The following SYN2 variants were observed in gnomAD, a reference collection of about 807,000 sequenced individuals.
SYN2 encodes synapsin-2.
Under a neutral mutation model 50.9 loss-of-function variants are expected in SYN2, and 19 were observed. The observed-to-expected ratio is 0.37, with a 90% CI of 0.26 to 0.55. The LOEUF (loss-of-function observed/expected upper bound fraction) is 0.55, where lower values mean the gene tolerates loss of function less well. Among genes scored for constraint, SYN2 ranks in the 20% least tolerant of loss-of-function variants. The pLI is 0.81. For synonymous variants in SYN2, 255 were observed against 224.9 expected, an observed-to-expected ratio of 1.13 and a Z score of -1.20; for missense variants, 587 against 576.4, an observed-to-expected ratio of 1.02 and a Z score of -0.19.
Position 12,167,279 on chromosome 3 carries a change from G to C in SYN2, c.1026G>C (p.Ala342=), listed in dbSNP as rs570312197. 1 of 1,612,794 alleles carries C rather than the reference G, an allele frequency of 6.2e-7. No individual in the cohort carries two copies. Among genetic ancestry groups the C allele is most frequent in the Non-Finnish European group, 8.5e-7 (1 of 1,179,594 alleles). ...ACTGGAAGACGAACACTGGCTCTGC[G>C]ATGCTGGAGCAGATTGCCATGTCAG... The part of the protein sequence containing the change: ...SGNWKTNTGS[A]MLEQIAMSDR... Residue 342 remains alanine (A), a synonymous_variant, in exon 8 of 13, where the codon GCG becomes GCC. Coordinates refer to ENST00000621198, the MANE Select transcript of SYN2 (RefSeq NM_133625.6).
intron 4 of SYN2, among the ~76,000 whole-genome samples, chr3:12,146,092 C>T (rs908737894): frequency 2.0e-5 from 3 of 152,332 alleles, no homozygotes; most frequent in Admixed American, 6.5e-5. Context: ...ACCTTTGCTG[C>T]GGAGTGGACC....
chr3:12,180,644 C>T (rs1698201169), intron 10 of SYN2, among the ~76,000 whole-genome samples: 1 of 152,206 alleles, frequency 6.6e-6, no homozygotes, highest in Non-Finnish European at 1.5e-5. Flanking sequence ...CCTGAGAAGT[C>T]TTCCATACAC....
intron 1 of SYN2, among the ~76,000 whole-genome samples, chr3:12,106,237 A>G (rs369620667): frequency 1.3e-5 from 2 of 152,170 alleles, no homozygotes; most frequent in South Asian, 2.1e-4. Flanking sequence ...ATGGTACATC[A>G]AATCCTTCTC....
chr3:12,169,572 G>A (rs949769972), intron 9 of SYN2, among the ~76,000 whole-genome samples, 185 bp from the exon 10 acceptor site: 2 of 152,134 alleles, frequency 1.3e-5, no homozygotes, highest in Non-Finnish European at 2.9e-5. Flanking sequence ...TGAGGCAAAG[G>A]TTTGTAGAAG....
rs1050857481 is a variant in SYN2 at position 12,158,973 on chromosome 3, C to T, written c.775-2573C>T. On this transcript the variant is annotated intron_variant, in intron 5 of 12. Coordinates refer to ENST00000621198, the MANE Select transcript of SYN2 (RefSeq NM_133625.6). The stretch of plus-strand genomic sequence containing the variant: ...GCCCTAAGGGCCAATCCCGCCCCGA[C>T]GGGCTCCGCCTTCCTTTGGCTCTAG... The T allele has an allele frequency of 1.0e-4, 137 of 1,318,928 alleles. 1 individual carries two copies. The highest frequency in any genetic ancestry group is 4.2e-4 in the South Asian group (26 of 62,314). The allele number at this position is 1,318,928 out of a possible 1,614,324, so 81.7% of individuals were successfully genotyped here. A position where few individuals can be genotyped will look rare whatever the true frequency, so the allele number is the denominator to read the frequency against.
chr3:12,130,226 ATC>A (rs1229264753), intron 1 of SYN2, among the ~76,000 whole-genome samples: 1 of 104,850 alleles, frequency 9.5e-6, no homozygotes, highest in African/African-American at 3.1e-5. Flanking sequence ...ATGTGTATGC[ATC>A]TCTGTGTGCG....
rs181724522 is a variant in SYN2 at position 12,132,303 on chromosome 3, G to A, written c.378-8348G>A. Among the ~76,000 whole-genome samples, 294 of 152,070 alleles carry A rather than the reference G, an allele frequency of 1.9e-3. 3 individuals carry two copies. The highest frequency in any genetic ancestry group is 6.7e-3 in the African/African-American group (279 of 41,508). On this transcript the variant is annotated intron_variant, in intron 1 of 12. Transcript: ENST00000621198. The stretch of plus-strand genomic sequence containing the variant: ...AGAGTCCTCACCTAAGGAAGTATAT[G>A]GTCTCTAAACTTGATCATCAAAAGA...
intron 1 of SYN2, among the ~76,000 whole-genome samples, chr3:12,044,278 A>G (rs1393920634): frequency 2.6e-5 from 4 of 152,026 alleles, no homozygotes; most frequent in Admixed American, 1.3e-4. Flanking sequence ...CATGAATAGC[A>G]TGAGCAAAAG....
intron 1 of SYN2, chr3:12,070,819 G>A (rs910351464): frequency 1.6e-5 from 10 of 607,692 alleles, no homozygotes; most frequent in African/African-American, 7.4e-5. Flanking sequence ...GATCCTCACC[G>A]AGCACAGCTA....
chr3:12,070,326 C>G (rs562970173), intron 1 of SYN2: 20 of 504,040 alleles, frequency 4.0e-5, no homozygotes, highest in African/African-American at 3.1e-4. Context: ...TCCCCTCCAT[C>G]CTTAGGCGCC....
chr3:12,067,999 C>A (rs1695257376), intron 1 of SYN2, among the ~76,000 whole-genome samples: 1 of 152,138 alleles, frequency 6.6e-6, no homozygotes, highest in South Asian at 2.1e-4. Flanking sequence ...GTCAAAGATG[C>A]AGTGAGCTGT....
intron 3 of SYN2, among the ~76,000 whole-genome samples, chr3:12,144,239 C>G (rs1419193902): frequency 6.6e-6 from 1 of 152,218 alleles, no homozygotes; most frequent in Non-Finnish European, 1.5e-5. Flanking sequence ...TGGGAACATT[C>G]TGTACTCTCA....
At chr3:12,172,100 GATATTGTGGAATGC>G (rs1340209488) in intron 10 of SYN2, among the ~76,000 whole-genome samples, 1 of 152,142 alleles carries the variant, frequency 6.6e-6, no homozygotes, top group Non-Finnish European at 1.5e-5. Context: ...ATATCCAAAG[GATATTGTGGAATGC>G]ATACCATGCT....
intron 1 of SYN2, chr3:12,070,600 T>C: frequency 7.3e-7 from 1 of 1,374,720 alleles, no homozygotes; most frequent in Non-Finnish European, 9.9e-7. Context: ...ATGACCCAGA[T>C]CATGTTTGAG....
intron 1 of SYN2, among the ~76,000 whole-genome samples, chr3:12,040,430 C>CTTTTTTT (rs34991752): frequency 1.8e-5 from 2 of 109,264 alleles, no homozygotes; most frequent in African/African-American, 3.3e-5. Context: ...AGTTCTGTTT[C>CTTTTTTT]TTTTTTTTTT....
At chr3:12,115,098 A>C (rs1696404483) in intron 1 of SYN2, among the ~76,000 whole-genome samples, 1 of 152,216 alleles carries the variant, frequency 6.6e-6, no homozygotes, top group African/African-American at 2.4e-5. Context: ...TCATCTGAAC[A>C]AAGGCATTTT....
chr3:12,141,104 G>T (rs1574962694), intron 2 of SYN2, among the ~76,000 whole-genome samples: 1 of 152,138 alleles, frequency 6.6e-6, no homozygotes, highest in Non-Finnish European at 1.5e-5. Flanking sequence ...ATGCTGCCCC[G>T]AGTGATGGCT....
At chr3:12,019,320 G>T (rs1694082439) in intron 1 of SYN2, among the ~76,000 whole-genome samples, 1 of 152,132 alleles carries the variant, frequency 6.6e-6, no homozygotes, top group Non-Finnish European at 1.5e-5. Context: ...AGTAGAGTGA[G>T]CCCGTGAGCT....
chr3:12,128,004 G>T (rs1256592765), intron 1 of SYN2, among the ~76,000 whole-genome samples: 1 of 151,024 alleles, frequency 6.6e-6, no homozygotes, highest in Non-Finnish European at 1.5e-5. Flanking sequence ...GGAGTGCAGT[G>T]GTGTGAACAT....
Sources: allele counts gnomAD v4.1 joint callset (sites outside exome capture counted in the v4.1 genomes callset), GRCh38; gene constraint gnomAD v4.1.1; transcripts MANE v1.5; gene names NCBI Gene and HGNC (gene_info 2026-07-23, HGNC 2026-07-21).